WNK2: variants seen among roughly 807,000 people sequenced by gnomAD.
The protein encoded by WNK2 is WNK lysine deficient protein kinase 2, also known as serine/threonine-protein kinase WNK2.
A neutral mutation model predicts 192.1 loss-of-function variants in WNK2; 67 were observed. The ratio of observed to expected loss-of-function variants is 0.35; its 90% CI spans 0.29 to 0.43. The LOEUF (loss-of-function observed/expected upper bound fraction) is 0.43. Ranked by LOEUF, WNK2 falls within the 20% of genes least tolerant of loss-of-function variation. WNK2 has a pLI of 1.00. For missense variants in WNK2, 2,698 were observed against 3,089.7 expected (o/e 0.87, Z 3.01); for synonymous variants, 1,439 against 1,393.9 (o/e 1.03, Z -0.72).
At chr9:93,218,660 A>G (rs1382714146) in intron 2 of WNK2, among the ~76,000 whole-genome samples, 1 of 152,174 alleles carries the variant, frequency 6.6e-6, no homozygotes, top group Non-Finnish European at 1.5e-5. Context: ...TCAGGAAGTA[A>G]CATCAGTGTT....
At chr9:93,192,323 AAAAG>A (rs1442414092) in intron 2 of WNK2, among the ~76,000 whole-genome samples, 3 of 152,088 alleles carry the variant, frequency 2.0e-5, no homozygotes, top group Non-Finnish European at 4.4e-5. Flanking sequence ...AGAAAAAAAA[AAAAG>A]AGAGAGAGAG....
chr9:93,189,843 G>A (rs10821085), intron 2 of WNK2, among the ~76,000 whole-genome samples: 17,277 of 152,238 alleles, frequency 0.11, 1,157 homozygotes, highest in Middle Eastern at 0.15. Flanking sequence ...ATGGCCTCTC[G>A]TTAGAGGCCC....
intron 19 of WNK2, among the ~76,000 whole-genome samples, chr9:93,287,748 TTTTC>T (rs1433262548): frequency 6.6e-6 from 1 of 152,146 alleles, no homozygotes; most frequent in Non-Finnish European, 1.5e-5. Flanking sequence ...TTTGTGTTCA[TTTTC>T]TTTGTGTTTT....
chr9:93,210,597 G>A (rs989076214), intron 2 of WNK2, among the ~76,000 whole-genome samples: 4 of 152,146 alleles, frequency 2.6e-5, no homozygotes, highest in Non-Finnish European at 5.9e-5. Context: ...CACCTCCTGA[G>A]CCTGCTGAGA....
intron 28 of WNK2, among the ~76,000 whole-genome samples, chr9:93,314,718 C>T (rs1391560684): frequency 1.3e-5 from 2 of 152,058 alleles, no homozygotes; most frequent in Non-Finnish European, 2.9e-5. Context: ...GTGCCCTTTA[C>T]AGATGTTTCA....
chr9:93,207,627 A>G (rs995777554), intron 2 of WNK2, among the ~76,000 whole-genome samples: 11 of 152,214 alleles, frequency 7.2e-5, no homozygotes, highest in African/African-American at 2.7e-4. Context: ...TGCCAGAGGG[A>G]GCACTTGAGG....
intron 7 of WNK2, among the ~76,000 whole-genome samples, chr9:93,243,808 C>T (rs764432894): frequency 3.3e-5 from 5 of 152,242 alleles, no homozygotes; most frequent in Non-Finnish European, 7.3e-5. Context: ...GGGGTCCTGA[C>T]AACAGCCCTG....
At chr9:93,295,938 A>C (rs1564195611) in intron 23 of WNK2, among the ~76,000 whole-genome samples, 7 of 55,474 alleles carry the variant, frequency 1.3e-4, no homozygotes, top group Admixed American at 7.3e-4. Context: ...TCCCCTCTCC[A>C]CCCTCAACTC....
intron 19 of WNK2, 27 bp downstream of exon 19, chr9:93,268,773 C>T (rs1295124792): frequency 1.2e-6 from 2 of 1,602,038 alleles, no homozygotes; most frequent in Admixed American, 1.7e-5. Flanking sequence ...CCCACACAAG[C>T]CCCTCCCTGT....
intron 4 of WNK2, among the ~76,000 whole-genome samples, chr9:93,234,331 G>C (rs1839436705): frequency 1.3e-5 from 2 of 152,218 alleles, no homozygotes. Flanking sequence ...TGGGCTGAGT[G>C]TACCCAGCCT....
intron 28 of WNK2, among the ~76,000 whole-genome samples, chr9:93,311,613 T>TTGTGTGTGTGTGTGTGTGTGTGTGTGTG (rs71364368): frequency 3.4e-5 from 5 of 146,076 alleles, no homozygotes; most frequent in African/African-American, 1.3e-4. Context: ...GTTTTTTTGT[T>TTGTGTGTGTGTGTGTGTGTGTGTGTGTG]TGTGTGTGTG....
intron 8 of WNK2, 131 bp from the exon 9 acceptor site, chr9:93,252,752 A>G: frequency 1.2e-6 from 1 of 834,206 alleles, no homozygotes; most frequent in Non-Finnish European, 1.7e-6. Context: ...TTTAAACAAT[A>G]TGTGCGGGTT....
chr9:93,314,720 G>A (rs1181232389), intron 28 of WNK2, among the ~76,000 whole-genome samples: 1 of 152,116 alleles, frequency 6.6e-6, no homozygotes, highest in Non-Finnish European at 1.5e-5. Context: ...GCCCTTTACA[G>A]ATGTTTCAAA....
chr9:93,188,079 C>T (rs1006579570), intron 2 of WNK2, among the ~76,000 whole-genome samples: 5 of 152,116 alleles, frequency 3.3e-5, no homozygotes, highest in Non-Finnish European at 5.9e-5. Context: ...CTGGGAGTCA[C>T]GCTTTACACT....
At chr9:93,240,627 A>G (rs1840608783) in intron 7 of WNK2, among the ~76,000 whole-genome samples, 1 of 152,112 alleles carries the variant, frequency 6.6e-6, no homozygotes, top group Non-Finnish European at 1.5e-5. Context: ...CCACAGGCAC[A>G]GGCAGAAAGG....
chr9:93,194,787 A>G (rs1830933964), intron 2 of WNK2, among the ~76,000 whole-genome samples: 1 of 152,244 alleles, frequency 6.6e-6, no homozygotes, highest in African/African-American at 2.4e-5. Context: ...CATAATTGCC[A>G]GAACTTGGAA....
In WNK2 at chr9:93,191,812, G is replaced by T. The variant is rs1830381288; in HGVS notation, c.681+6202G>T. 2.0e-5 allele frequency among the ~76,000 whole-genome samples: 3 copies of T among 152,112 alleles called. No individual in the cohort carries two copies. The South Asian group carries it at 6.2e-4, about 32-fold the overall frequency. On this transcript the variant is annotated intron_variant, in intron 2 of 29. Coordinates refer to ENST00000427277, the MANE Select transcript of WNK2 (RefSeq NM_006648.4). ...GGTTGAGACGGGTGGATCATTTGAG[G>T]TCAAGAGTTTGAAACCAGCCTGGCC...
intron 29 of WNK2, chr9:93,319,096 C>A: frequency 6.2e-7 from 1 of 1,613,964 alleles, no homozygotes; most frequent in South Asian, 1.1e-5. Flanking sequence ...GGGGGCTGCC[C>A]TCACCTGTCC....
intron 2 of WNK2, among the ~76,000 whole-genome samples, chr9:93,191,978 T>C (rs370134582): frequency 6.7e-6 from 1 of 149,140 alleles, no homozygotes; most frequent in South Asian, 2.1e-4. Context: ...TGAGCTGAGA[T>C]CGTGCCACTG....
Sources: allele counts gnomAD v4.1 joint callset (sites outside exome capture counted in the v4.1 genomes callset), GRCh38; gene constraint gnomAD v4.1.1; transcripts MANE v1.5; gene names NCBI Gene and HGNC (gene_info 2026-07-23, HGNC 2026-07-21).